The following ERBB4 variants were observed in gnomAD, a reference collection of about 807,000 sequenced individuals.
ERBB4 encodes the protein erb-b2 receptor tyrosine kinase 4.
In ERBB4, 42 loss-of-function variants were observed where a neutral mutation model predicts 158.0. The ratio of observed to expected loss-of-function variants is 0.27; its 90% CI spans 0.21 to 0.34. The LOEUF (loss-of-function observed/expected upper bound fraction) is 0.34, where lower values mean the gene tolerates loss of function less well. Ranked by LOEUF, ERBB4 falls within the 10% of genes least tolerant of loss-of-function variation. The pLI is 1.00. For synonymous variants in ERBB4, 583 were observed against 558.7 expected, an observed-to-expected ratio of 1.04 and a Z score of -0.61; for missense variants, 1,333 against 1,624.1, an observed-to-expected ratio of 0.82 and a Z score of 3.08.
intron 2 of ERBB4, among the ~76,000 whole-genome samples, chr2:211,998,180 T>C (rs1266413665): frequency 6.7e-6 from 1 of 150,320 alleles, no homozygotes; most frequent in African/African-American, 2.5e-5. Context: ...ACTTAAAGTA[T>C]AATAATAAAA....
At chr2:212,162,889 C>G (rs2081242961) in intron 1 of ERBB4, among the ~76,000 whole-genome samples, 1 of 151,896 alleles carries the variant, frequency 6.6e-6, no homozygotes. Context: ...TTCAGGTAAA[C>G]AATTTTATAG....
At chr2:211,795,448 CTTCTT>C (rs2076363921) in intron 3 of ERBB4, among the ~76,000 whole-genome samples, 1 of 151,822 alleles carries the variant, frequency 6.6e-6, no homozygotes, top group Non-Finnish European at 1.5e-5. Flanking sequence ...AAGGAATATG[CTTCTT>C]TTGAGTATTC....
intron 20 of ERBB4, among the ~76,000 whole-genome samples, chr2:211,499,566 A>T (rs1313606844): frequency 6.6e-6 from 1 of 152,118 alleles, no homozygotes; most frequent in Non-Finnish European, 1.5e-5. Flanking sequence ...CAAAAAAAAG[A>T]AAACTGTGAC....
At chr2:212,403,235 C>A (rs993691381) in intron 1 of ERBB4, among the ~76,000 whole-genome samples, 67 of 152,128 alleles carry the variant, frequency 4.4e-4, no homozygotes, top group African/African-American at 1.2e-3. Context: ...ATTTCTCTGG[C>A]TGCAAAAAGT....
intron 1 of ERBB4, among the ~76,000 whole-genome samples, chr2:212,424,274 G>A (rs1244401604): frequency 6.6e-6 from 1 of 151,922 alleles, no homozygotes; most frequent in Non-Finnish European, 1.5e-5. Flanking sequence ...AATATGTACT[G>A]AATGCCTACC....
At chr2:211,567,538 A>G (rs1289431921) in intron 19 of ERBB4, among the ~76,000 whole-genome samples, 1 of 152,196 alleles carries the variant, frequency 6.6e-6, no homozygotes, top group Non-Finnish European at 1.5e-5. Context: ...GACAAAATGT[A>G]AAGTAGAAGA....
At chr2:212,286,634 G>A (rs1215004528) in intron 1 of ERBB4, among the ~76,000 whole-genome samples, 2 of 54,114 alleles carry the variant, frequency 3.7e-5, no homozygotes, top group Admixed American at 3.3e-4. Flanking sequence ...ACAGAGTCTC[G>A]CTTTGTTACC....
At chr2:212,281,786 T>G (rs1033053279) in intron 1 of ERBB4, among the ~76,000 whole-genome samples, 2 of 151,842 alleles carry the variant, frequency 1.3e-5, no homozygotes, top group Admixed American at 6.6e-5. Flanking sequence ...ACTTAAATTC[T>G]GAGCCTATAT....
At chr2:211,563,345 A>C (rs2067457590) in intron 19 of ERBB4, among the ~76,000 whole-genome samples, 1 of 152,190 alleles carries the variant, frequency 6.6e-6, no homozygotes, top group Admixed American at 6.5e-5. Flanking sequence ...AAGCTATGTA[A>C]TATCACCTAC....
At chr2:212,285,845 T>A (rs145865699) in intron 1 of ERBB4, among the ~76,000 whole-genome samples, 3 of 152,286 alleles carry the variant, frequency 2.0e-5, no homozygotes, top group African/African-American at 7.2e-5. Context: ...TCTCTAATAT[T>A]CAGGCTCAAA....
intron 2 of ERBB4, among the ~76,000 whole-genome samples, chr2:212,073,183 A>G (rs1246283915): frequency 6.6e-6 from 1 of 151,982 alleles, no homozygotes. Context: ...GCTGGAGCCA[A>G]GCTGCAGAAG....
chr2:211,545,370 T>A (rs371780325), intron 20 of ERBB4, among the ~76,000 whole-genome samples: 2 of 152,020 alleles, frequency 1.3e-5, no homozygotes, highest in Admixed American at 6.6e-5. Context: ...TAGATTTTTA[T>A]GGAAATCTTA....
chr2:212,244,620 T>A (rs1441939424), intron 1 of ERBB4, among the ~76,000 whole-genome samples: 3 of 152,188 alleles, frequency 2.0e-5, no homozygotes, highest in Non-Finnish European at 2.9e-5. Context: ...TATGTTTTAT[T>A]TGACCCATAA....
chr2:212,352,423 C>T (rs1261338172), intron 1 of ERBB4, among the ~76,000 whole-genome samples: 2 of 151,508 alleles, frequency 1.3e-5, no homozygotes, highest in Non-Finnish European at 2.9e-5. Context: ...AGAAGTTCTT[C>T]TTTGGGGAAA....
In ERBB4 at chr2:212,227,201, G is replaced by C. The variant is rs549292909; in HGVS notation, c.83-102298C>G. ...TGGAGGTTGCAGTGAGCCAAGATCA[G>C]ACCACAGCATTCCAGCATGGGCGAC... On this transcript the variant is annotated intron_variant, in intron 1 of 27. Transcript: ENST00000342788. Among the ~76,000 whole-genome samples, 67 of 146,302 alleles carry C rather than the reference G, an allele frequency of 4.6e-4. No homozygotes were observed. In the South Asian group the frequency reaches 0.013, roughly 29 times the overall value.
At chr2:212,023,907 T>G (rs1378823379) in intron 2 of ERBB4, among the ~76,000 whole-genome samples, 1 of 151,180 alleles carries the variant, frequency 6.6e-6, no homozygotes, top group Admixed American at 6.6e-5. Flanking sequence ...AACAAAAACT[T>G]ACACACAAAA....
At chr2:211,685,320 T>C (rs1283755873) in intron 12 of ERBB4, among the ~76,000 whole-genome samples, 1 of 152,216 alleles carries the variant, frequency 6.6e-6, no homozygotes, top group Non-Finnish European at 1.5e-5. Flanking sequence ...ATGTGAGATG[T>C]AGCTTAGGGT....
rs1229970702 is a variant in ERBB4 at position 211,701,994 on chromosome 2, G to A, written c.1462C>T (p.Arg488Trp). The A allele has an allele frequency of 1.1e-5, 17 of 1,613,544 alleles. No individual in the cohort carries two copies. Among genetic ancestry groups the A allele is most frequent in the Non-Finnish European group, 1.4e-5 (17 of 1,179,702 alleles). The change falls in exon 12 of 28, where the codon CGG becomes TGG. Residue 488 changes from arginine to tryptophan, a missense_variant. By Grantham distance (101) the Arg-to-Trp change is moderately radical. Around this residue, in one of 5 missense-constraint regions of ERBB4, gnomAD observed 245 missense variants for 247.5 expected, o/e 0.99. Coordinates refer to ENST00000342788, the MANE Select transcript of ERBB4 (RefSeq NM_005235.3). ...CAATTTTCAGCTTTTCTGTTGTCCCGGATTACTATTCTCTGGTTGATTGTG... is the reference window on the plus strand; with the variant it reads ...CAATTTTCAGCTTTTCTGTTGTCCCAGATTACTATTCTCTGGTTGATTGTG... ...FSTINQRIVIRDNRKAENCTA... is the reference protein window; with the variant it reads ...FSTINQRIVIWDNRKAENCTA...
chr2:211,757,937 T>A (rs906439556), intron 4 of ERBB4, among the ~76,000 whole-genome samples: 1 of 152,164 alleles, frequency 6.6e-6, no homozygotes, highest in Non-Finnish European at 1.5e-5. Context: ...TCTTAACTCA[T>A]AAATGGAAGC....
Sources: gnomAD v4.1 joint callset for allele counts (sites outside exome capture counted in the v4.1 genomes callset) on GRCh38, gnomAD v4.1.1 for gene constraint, gnomAD v4.1.1 regional missense constraint, MANE v1.5 for transcripts, NCBI Gene and HGNC (gene_info 2026-07-23, HGNC 2026-07-21) for gene names.